Variants in SASS6 observed in about 807,000 individuals in gnomAD.
The protein encoded by SASS6 is SAS-6 centriolar assembly protein.
SASS6 carries 59 observed loss-of-function variants against 94.9 expected under a neutral mutation model. The ratio of observed to expected loss-of-function variants is 0.62; its 90% CI spans 0.50 to 0.77. The LOEUF is 0.77. Ranked by LOEUF, SASS6 falls within the 30% of genes least tolerant of loss-of-function variation. The pLI is 0.00. For missense variants in SASS6, 698 were observed against 734.1 expected (o/e 0.95, Z 0.57); for synonymous variants, 264 against 270.0 (o/e 0.98, Z 0.22).
At position 100,123,193 on chromosome 1, in the gene SASS6, G is replaced by C. The variant is rs751884161; in HGVS notation, c.206+17C>G. On this transcript the variant is annotated intron_variant, in intron 3 of 16. Transcript: ENST00000287482. ...TATTTTTTCACTAAATATAAGATCA[G>C]AAAAAAATTTAGTTACCTTTGAAAA... 4 of 1,134,694 alleles carry C rather than the reference G, an allele frequency of 3.5e-6. No homozygotes were observed. In the South Asian group the frequency reaches 5.4e-5, roughly 15 times the overall value. The allele number at this position is 1,134,694 out of a possible 1,614,324, so 70.3% of individuals were successfully genotyped here.
intron 2 of SASS6, among the ~76,000 whole-genome samples, chr1:100,124,524 G>A (rs1654426408): frequency 6.6e-6 from 1 of 152,112 alleles, no homozygotes; most frequent in Admixed American, 6.5e-5. Context: ...GGAACTACAG[G>A]AGTGTGCCAC....
At chr1:100,086,059 T>C (rs543008822) in intron 15 of SASS6, among the ~76,000 whole-genome samples, 2 of 147,264 alleles carry the variant, frequency 1.4e-5, no homozygotes, top group South Asian at 4.2e-4. Flanking sequence ...GATCAAGTAT[T>C]AACACACATT....
chr1:100,114,632 C>T (rs961198039), intron 7 of SASS6, among the ~76,000 whole-genome samples: 1 of 151,950 alleles, frequency 6.6e-6, no homozygotes, highest in African/African-American at 2.4e-5. Context: ...GTGGGAGGGT[C>T]ACTTGAGCCC....
At chr1:100,132,594 G>A (rs1360943893) in intron 1 of SASS6, among the ~76,000 whole-genome samples, 156 bp downstream of exon 1, 1 of 152,136 alleles carries the variant, frequency 6.6e-6, no homozygotes, top group Non-Finnish European at 1.5e-5. Flanking sequence ...TGGTGAGAGA[G>A]GTAACCACCG....
intron 15 of SASS6, 37 bp from the exon 16 acceptor site, chr1:100,085,667 T>TTAATAAAGA: frequency 2.3e-6 from 3 of 1,297,852 alleles, no homozygotes; most frequent in Non-Finnish European, 3.3e-6. Flanking sequence ...TTTAACAAAG[T>TTAATAAAGA]CTTTATTAAC....
intron 15 of SASS6, among the ~76,000 whole-genome samples, chr1:100,086,476 T>C (rs1385436268): frequency 6.6e-6 from 1 of 152,134 alleles, no homozygotes; most frequent in Non-Finnish European, 1.5e-5. Context: ...ATTGTCATAT[T>C]TTCTGCTAGT....
intron 1 of SASS6, among the ~76,000 whole-genome samples, chr1:100,130,879 T>C (rs1642443098): frequency 2.0e-5 from 3 of 152,140 alleles, no homozygotes; most frequent in Non-Finnish European, 2.9e-5. Flanking sequence ...TGTAAACAAA[T>C]GAGCATGGCT....
chr1:100,122,296 A>G, intron 4 of SASS6, 84 bp downstream of exon 4: 1 of 627,290 alleles, frequency 1.6e-6, no homozygotes, highest in Non-Finnish European at 2.8e-6. Context: ...TAATAAACGG[A>G]AAAGATTTTG....
At chr1:100,090,899 A>G (rs745928395) in intron 14 of SASS6, among the ~76,000 whole-genome samples, 1 of 152,162 alleles carries the variant, frequency 6.6e-6, no homozygotes, top group East Asian at 1.9e-4. Flanking sequence ...TCTGACCCTA[A>G]TCAGCATACC....
chr1:100,123,201 T>C lies in SASS6; in HGVS notation c.206+9A>G. On this transcript the variant is annotated intron_variant, in intron 3 of 16. Coordinates refer to ENST00000287482, the MANE Select transcript of SASS6 (RefSeq NM_194292.3). ...CACTAAATATAAGATCAGAAAAAAA[T>C]TTAGTTACCTTTGAAAATCTTCCTC... 2.4e-6 allele frequency: 3 copies of C among 1,254,044 alleles called. No individual in the cohort carries two copies. The highest frequency in any genetic ancestry group is 3.4e-6 in the Non-Finnish European group (3 of 871,640). 77.7% of individuals were successfully genotyped at this position (1,254,044 alleles called of 1,614,324 possible).
chr1:100,108,406 T>C (rs968692485), intron 8 of SASS6, among the ~76,000 whole-genome samples: 1 of 152,174 alleles, frequency 6.6e-6, no homozygotes, highest in Non-Finnish European at 1.5e-5. Context: ...GTTGATACTC[T>C]GCAGTTTATA....
intron 1 of SASS6, among the ~76,000 whole-genome samples, chr1:100,127,694 A>T (rs1654715604): frequency 6.6e-6 from 1 of 152,180 alleles, no homozygotes; most frequent in African/African-American, 2.4e-5. Context: ...AATTCCATTT[A>T]AGCTTTCCTG....
intron 14 of SASS6, among the ~76,000 whole-genome samples, chr1:100,102,403 G>A (rs572417737): frequency 8.5e-5 from 13 of 152,138 alleles, no homozygotes; most frequent in Non-Finnish European, 4.4e-5. Flanking sequence ...CTGGCCGGGC[G>A]TGGTGGCTCA....
chr1:100,124,330 T>C (rs890053115), intron 2 of SASS6, among the ~76,000 whole-genome samples: 11 of 152,176 alleles, frequency 7.2e-5, no homozygotes, highest in Admixed American at 4.6e-4. Context: ...TTAATACTAC[T>C]AGGTCCTTGA....
chr1:100,096,855 C>G (rs961833704), intron 14 of SASS6, among the ~76,000 whole-genome samples: 1 of 152,152 alleles, frequency 6.6e-6, no homozygotes, highest in Admixed American at 6.5e-5. Context: ...GTGGCTGATG[C>G]CTGTAATCCC....
chr1:100,103,511 A>T (rs1373783364), intron 13 of SASS6, among the ~76,000 whole-genome samples: 1 of 152,228 alleles, frequency 6.6e-6, no homozygotes, highest in African/African-American at 2.4e-5. Flanking sequence ...TGAGACAGTA[A>T]TTGGTTTTGC....
intron 2 of SASS6, among the ~76,000 whole-genome samples, chr1:100,125,421 CT>C (rs1247120275): frequency 2.0e-5 from 3 of 151,660 alleles, no homozygotes; most frequent in Admixed American, 2.0e-4. Context: ...TGGTTCAAGC[CT>C]GTAATCTCAG....
At position 100,084,013 on chromosome 1, in the gene SASS6, T is replaced by A. The variant is rs770004168; in HGVS notation, c.*1315A>T. 1 of 151,944 alleles carries A rather than the reference T, an allele frequency of 6.6e-6. No homozygotes were observed. The highest frequency in any genetic ancestry group is 2.4e-5 in the African/African-American group (1 of 41,406). 9.4% of individuals were successfully genotyped at this position (151,944 alleles called of 1,614,324 possible). A position where few individuals can be genotyped will look rare whatever the true frequency, so the allele number is the denominator to read the frequency against. ...TTACTGTACCAAGTATTCTCACTAATACAGTAGTGTATCTAAATGGGGGAG... is the reference window on the plus strand; with the variant it reads ...TTACTGTACCAAGTATTCTCACTAAAACAGTAGTGTATCTAAATGGGGGAG... On this transcript the variant is annotated 3_prime_UTR_variant, in exon 17 of 17. Transcript: ENST00000287482.
chr1:100,129,525 C>T (rs1424274647), intron 1 of SASS6, among the ~76,000 whole-genome samples: 2 of 152,164 alleles, frequency 1.3e-5, no homozygotes, highest in Non-Finnish European at 2.9e-5. Context: ...TTTAAGGTCA[C>T]ATTACAGAGC....
Sources: gnomAD v4.1 joint callset for allele counts (sites outside exome capture counted in the v4.1 genomes callset) on GRCh38, gnomAD v4.1.1 for gene constraint, MANE v1.5 for transcripts, NCBI Gene and HGNC (gene_info 2026-07-23, HGNC 2026-07-21) for gene names.